Variants in ELMO1 observed in about 807,000 individuals in gnomAD.
ELMO1 encodes engulfment and cell motility protein 1.
Under a neutral mutation model 98.9 loss-of-function variants are expected in ELMO1, and 26 were observed. The ratio of observed to expected loss-of-function variants is 0.26; its 90% CI spans 0.19 to 0.36. ELMO1 has a LOEUF of 0.36. Among genes scored for constraint, ELMO1 ranks in the 10% least tolerant of loss-of-function variants. The pLI is 1.00. For synonymous variants in ELMO1, 346 were observed against 346.0 expected (o/e 1.00, Z 0.00); for missense variants, 627 against 935.2 (o/e 0.67, Z 4.30).
intron 15 of ELMO1, among the ~76,000 whole-genome samples, chr7:37,092,609 T>C (rs1295574719): frequency 1.3e-5 from 2 of 152,076 alleles, no homozygotes; most frequent in African/African-American, 2.4e-5. Context: ...TCTCCTGACC[T>C]TGTGATCAGC....
intron 7 of ELMO1, among the ~76,000 whole-genome samples, chr7:37,233,467 T>A (rs1229309890): frequency 6.6e-6 from 1 of 152,170 alleles, no homozygotes; most frequent in East Asian, 1.9e-4. Context: ...GTGAGCTGTG[T>A]TGTTCTGGGC....
chr7:37,012,218 TTC>T (rs1244400114), intron 16 of ELMO1, among the ~76,000 whole-genome samples: 1 of 152,218 alleles, frequency 6.6e-6, no homozygotes, highest in Non-Finnish European at 1.5e-5. Flanking sequence ...TTTCCTGATT[TTC>T]TTTCTTTTCA....
chr7:36,966,566 G>C (rs1214462201), intron 16 of ELMO1, among the ~76,000 whole-genome samples: 1 of 152,156 alleles, frequency 6.6e-6, no homozygotes, highest in Non-Finnish European at 1.5e-5. Flanking sequence ...TGACAAATCT[G>C]TTCTCTACAA....
chr7:37,315,986 CT>C, intron 2 of ELMO1, 26 bp from the exon 3 acceptor site: 2 of 1,533,870 alleles, frequency 1.3e-6, no homozygotes, highest in Non-Finnish European at 1.8e-6. Flanking sequence ...AAAGGAAATA[CT>C]TGTTAGTTTC....
At chr7:36,857,021 C>T (rs1173128794) in intron 21 of ELMO1, among the ~76,000 whole-genome samples, 1 of 152,162 alleles carries the variant, frequency 6.6e-6, no homozygotes, top group African/African-American at 2.4e-5. Flanking sequence ...TATAAATCTC[C>T]AGTCACCATG....
chr7:37,083,813 C>T (rs965595975), intron 15 of ELMO1, among the ~76,000 whole-genome samples: 1 of 152,176 alleles, frequency 6.6e-6, no homozygotes, highest in African/African-American at 2.4e-5. Flanking sequence ...GACCTGGCTC[C>T]CATCAAGTCC....
At chr7:37,308,982 A>G (rs1798756863) in intron 4 of ELMO1, among the ~76,000 whole-genome samples, 8 of 152,352 alleles carry the variant, frequency 5.3e-5, no homozygotes, top group Admixed American at 5.2e-4. Context: ...AGGGTCTCAG[A>G]ACAGGAAGAA....
intron 1 of ELMO1, among the ~76,000 whole-genome samples, chr7:37,434,772 TTTACAC>T (rs1805078249): frequency 6.6e-6 from 1 of 152,186 alleles, no homozygotes; most frequent in Admixed American, 6.5e-5. Flanking sequence ...AGGTCAGCCT[TTTACAC>T]AGCCTTCATG....
intron 8 of ELMO1, among the ~76,000 whole-genome samples, chr7:37,232,768 G>A (rs539726747): frequency 2.0e-5 from 3 of 152,272 alleles, no homozygotes; most frequent in South Asian, 4.1e-4. Flanking sequence ...GCTCAAGAAG[G>A]ATGACAGTAG....
At chr7:36,950,165 C>T (rs1222133330) in intron 16 of ELMO1, among the ~76,000 whole-genome samples, 2 of 152,124 alleles carry the variant, frequency 1.3e-5, no homozygotes, top group Non-Finnish European at 2.9e-5. Context: ...CAAGACCCAC[C>T]ATCAACAAGG....
At position 37,259,142 on chromosome 7, in the gene ELMO1, C is replaced by T. The variant is rs202106437; in HGVS notation, c.413+39G>A. 55 of 1,578,570 alleles carry T rather than the reference C, an allele frequency of 3.5e-5. No homozygotes were observed. The Middle Eastern group carries it at 6.8e-4, about 20-fold the overall frequency. ...TAACAATATTCAAAACGCGGAGACA[C>T]GCAGGACAGCTGTGGAAGTTAGGAA... On this transcript the variant is annotated intron_variant, in intron 6 of 21. Coordinates refer to ENST00000310758, the MANE Select transcript of ELMO1 (RefSeq NM_014800.11).
chr7:36,898,156 C>A (rs1806185772), intron 16 of ELMO1, among the ~76,000 whole-genome samples: 1 of 152,240 alleles, frequency 6.6e-6, no homozygotes, highest in Non-Finnish European at 1.5e-5. Flanking sequence ...ACAAGGTTTA[C>A]AACTGATAGC....
intron 15 of ELMO1, among the ~76,000 whole-genome samples, chr7:37,028,032 C>T (rs1794676595): frequency 6.7e-6 from 1 of 148,266 alleles, no homozygotes; most frequent in South Asian, 2.1e-4. Context: ...ACTACGAGAA[C>T]TGTCTTTTTT....
chr7:37,306,331 G>C (rs1798611570), intron 4 of ELMO1, among the ~76,000 whole-genome samples: 1 of 152,136 alleles, frequency 6.6e-6, no homozygotes. Context: ...AAAATTGAAG[G>C]AATAAGAGAA....
intron 13 of ELMO1, among the ~76,000 whole-genome samples, chr7:37,209,802 T>C (rs1465108020): frequency 3.9e-5 from 6 of 152,170 alleles, no homozygotes; most frequent in African/African-American, 1.4e-4. Context: ...GACACACAAG[T>C]ACAGGAAACT....
At chr7:37,415,557 G>T (rs1412560131) in intron 1 of ELMO1, among the ~76,000 whole-genome samples, 1 of 152,134 alleles carries the variant, frequency 6.6e-6, no homozygotes, top group South Asian at 2.1e-4. Flanking sequence ...GTCTAGCGTG[G>T]ATATAAAAAT....
At chr7:37,250,001 C>A (rs911378904) in intron 6 of ELMO1, among the ~76,000 whole-genome samples, 1 of 152,136 alleles carries the variant, frequency 6.6e-6, no homozygotes, top group Non-Finnish European at 1.5e-5. Flanking sequence ...ACTGCTTAAG[C>A]CCTGGAGGTC....
chr7:36,856,339 T>C (rs1432159126), intron 21 of ELMO1, among the ~76,000 whole-genome samples: 1 of 152,220 alleles, frequency 6.6e-6, no homozygotes, highest in Non-Finnish European at 1.5e-5. Flanking sequence ...AATAGGCTTA[T>C]GCTGCCCAGT....
At chr7:37,434,358 C>G (rs959566199) in intron 1 of ELMO1, among the ~76,000 whole-genome samples, 1 of 152,158 alleles carries the variant, frequency 6.6e-6, no homozygotes, top group Non-Finnish European at 1.5e-5. Context: ...GATTCTTAAG[C>G]ATTCTGAAGT....
Sources: gnomAD v4.1 joint callset for allele counts (sites outside exome capture counted in the v4.1 genomes callset) on GRCh38, gnomAD v4.1.1 for gene constraint, MANE v1.5 for transcripts, NCBI Gene and HGNC (gene_info 2026-07-23, HGNC 2026-07-21) for gene names.